SCN8A: variants seen among roughly 807,000 people sequenced by gnomAD.
SCN8A encodes sodium channel protein type 8 subunit alpha.
Under a neutral mutation model 184.1 loss-of-function variants are expected in SCN8A, and 30 were observed. The ratio of observed to expected loss-of-function variants is 0.16; its 90% confidence interval spans 0.12 to 0.22. The LOEUF (loss-of-function observed/expected upper bound fraction) is 0.22. Among genes scored for constraint, SCN8A ranks in the 10% least tolerant of loss-of-function variants. The pLI, the probability that SCN8A is intolerant of heterozygous loss-of-function variation, is 1.00. For synonymous variants in SCN8A, 852 were observed against 907.0 expected, an observed-to-expected ratio of 0.94 and a Z score of 1.09; for missense variants, 1,057 against 2,498.9, an observed-to-expected ratio of 0.42 and a Z score of 12.30.
chr12:51,679,790 A>G (rs372452789), intron 2 of SCN8A, among the ~76,000 whole-genome samples: 23 of 138,520 alleles, frequency 1.7e-4, no homozygotes, highest in Non-Finnish European at 2.9e-4. Context: ...CAGTGGTGCA[A>G]TCTTGGCTCA....
intron 12 of SCN8A, among the ~76,000 whole-genome samples, chr12:51,741,398 AT>A (rs1377881389): frequency 6.6e-6 from 1 of 151,764 alleles, no homozygotes; most frequent in Non-Finnish European, 1.5e-5. Context: ...ATTGGGTCTT[AT>A]TTTTTCATGC....
chr12:51,602,837 C>G (rs1384695243), intron 1 of SCN8A, among the ~76,000 whole-genome samples: 1 of 152,020 alleles, frequency 6.6e-6, no homozygotes, highest in Non-Finnish European at 1.5e-5. Context: ...GTATTACAGC[C>G]AAATAAACCA....
intron 2 of SCN8A, among the ~76,000 whole-genome samples, 169 bp downstream of exon 2, chr12:51,663,262 A>C (rs760656399): frequency 1.3e-5 from 2 of 152,122 alleles, no homozygotes; most frequent in African/African-American, 2.4e-5. Flanking sequence ...ACTAAGGGTC[A>C]TTTGTGGTCT....
chr12:51,645,382 G>A (rs1451907637), intron 1 of SCN8A, among the ~76,000 whole-genome samples: 2 of 151,836 alleles, frequency 1.3e-5, no homozygotes, highest in Non-Finnish European at 2.9e-5. Flanking sequence ...GAGGTGAGGG[G>A]CGCCTCTGCC....
rs1701558052 is a variant in SCN8A at position 51,712,812 on chromosome 12, A to T, written c.1635+6097A>T. ...CGTCACTTCCAAATCCATTATATCC[A>T]CCATCACCTCCTCCATAACTACCTC... On this transcript the variant is annotated intron_variant, in intron 11 of 26. Coordinates refer to ENST00000627620, the MANE Select transcript of SCN8A (RefSeq NM_001330260.2). 11 of 1,176,434 alleles carry T rather than the reference A, an allele frequency of 9.4e-6. No individual in the cohort carries two copies. The South Asian group carries it at 1.3e-4, about 14-fold the overall frequency. 72.9% of individuals were successfully genotyped at this position (1,176,434 alleles called of 1,614,324 possible). A position where few individuals can be genotyped will look rare whatever the true frequency, so the allele number is the denominator to read the frequency against.
chr12:51,684,701 C>G (rs1023094086), intron 3 of SCN8A, among the ~76,000 whole-genome samples: 1 of 152,122 alleles, frequency 6.6e-6, no homozygotes, highest in African/African-American at 2.4e-5. Flanking sequence ...CTTTAGAAAT[C>G]AGCTTTGAAT....
rs1938727868 is a variant in SCN8A at position 51,807,180 on chromosome 12, T to A, written c.5694T>A (p.Ser1898=). 1.9e-6 allele frequency: 3 copies of A among 1,612,922 alleles called. No homozygotes were observed. Among genetic ancestry groups the A allele is most frequent in the Non-Finnish European group, 2.5e-6 (3 of 1,178,930 alleles). The change falls in exon 27 of 27, where the codon TCT becomes TCA. Residue 1898 remains serine (S), a synonymous_variant. Transcript: ENST00000627620. This position sits in a 1 kb window ranked among gnomAD's most constrained non-coding sequence, Gnocchi z 4.5. ...TTLRRKQEEV[S]AVVLQRAYRG... is the part of the protein sequence containing the mutation. ...TGCGTCGCAAGCAGGAGGAGGTATC[T>A]GCAGTGGTCCTGCAGCGTGCCTACC...
intron 16 of SCN8A, 195 bp downstream of exon 16, chr12:51,766,222 A>G: frequency 1.6e-6 from 1 of 609,526 alleles, no homozygotes; most frequent in Non-Finnish European, 2.9e-6. Flanking sequence ...CTACTTAGTC[A>G]TGACCCCCAC....
intron 20 of SCN8A, chr12:51,780,232 TG>T: frequency 2.2e-6 from 1 of 456,562 alleles, no homozygotes; most frequent in Non-Finnish European, 4.4e-6. Context: ...CTTAATTTAA[TG>T]GGGACTTCTG....
At chr12:51,802,817 TA>T (rs1938592437) in intron 26 of SCN8A, among the ~76,000 whole-genome samples, 1 of 152,210 alleles carries the variant, frequency 6.6e-6, no homozygotes, top group Non-Finnish European at 1.5e-5. Flanking sequence ...CTATTTTGCA[TA>T]ACTCTCTAAA....
intron 11 of SCN8A, among the ~76,000 whole-genome samples, chr12:51,720,610 TA>T (rs1942037215): frequency 6.6e-6 from 1 of 150,544 alleles, no homozygotes; most frequent in Admixed American, 6.6e-5. Context: ...ATAATAATAA[TA>T]AAAGAAAAGG....
At chr12:51,732,647 G>C (rs990063436) in intron 12 of SCN8A, among the ~76,000 whole-genome samples, 1 of 152,018 alleles carries the variant, frequency 6.6e-6, no homozygotes, top group African/African-American at 2.4e-5. Flanking sequence ...TGAATCTGTA[G>C]CTTGCTTTGA....
intron 15 of SCN8A, among the ~76,000 whole-genome samples, chr12:51,764,531 A>G (rs900975846): frequency 6.6e-6 from 1 of 152,098 alleles, no homozygotes; most frequent in African/African-American, 2.4e-5. Context: ...GCTACCTGGG[A>G]GGCTGAGGCA....
chr12:51,807,154 C>T lies in SCN8A; in HGVS notation c.5668C>T (p.Leu1890=), dbSNP rs1307592269. 8 of 1,613,860 alleles carry T rather than the reference C, an allele frequency of 5.0e-6. No homozygotes were observed. In the East Asian group the frequency reaches 1.3e-4, roughly 27 times the overall value. Residue 1890 remains leucine (L), a synonymous_variant, in exon 27 of 27, where the codon CTG becomes TTG. Coordinates refer to ENST00000627620, the MANE Select transcript of SCN8A (RefSeq NM_001330260.2). The surrounding 1 kb of genome is among the most constrained non-coding windows in gnomAD (Gnocchi z 4.5). ...GTCTTACGAGCCAATCACAACCACA[C>T]TGCGTCGCAAGCAGGAGGAGGTATC... ...KVSYEPITTT[L]RRKQEEVSAV...
chr12:51,621,630 A>G (rs1294240220), intron 1 of SCN8A, among the ~76,000 whole-genome samples: 1 of 152,178 alleles, frequency 6.6e-6, no homozygotes, highest in Non-Finnish European at 1.5e-5. Context: ...CTGGATGTGG[A>G]GAGACTAGGG....
chr12:51,770,398 T>C (rs1479837035), intron 18 of SCN8A, 131 bp from the exon 19 acceptor site: 1 of 1,029,102 alleles, frequency 9.7e-7, no homozygotes, highest in East Asian at 2.6e-5. Flanking sequence ...GAATCAGACA[T>C]TCTGATTCAG....
At chr12:51,692,846 AT>A (rs1413810964) in intron 6 of SCN8A, among the ~76,000 whole-genome samples, 1 of 152,190 alleles carries the variant, frequency 6.6e-6, no homozygotes, top group Admixed American at 6.5e-5. Flanking sequence ...ATTTAATAGT[AT>A]AAGTACTAAT....
At chr12:51,675,009 AT>A (rs1199335076) in intron 2 of SCN8A, among the ~76,000 whole-genome samples, 1 of 152,232 alleles carries the variant, frequency 6.6e-6, no homozygotes, top group Non-Finnish European at 1.5e-5. Context: ...GTGAGAATAG[AT>A]TCTAGAATAT....
At position 51,809,248 on chromosome 12, in the gene SCN8A, A is replaced by C. The variant is rs1350812592; in HGVS notation, c.*1819A>C. The stretch of plus-strand genomic sequence containing the variant: ...TTTCAAAGCCAAGATGCTGCAGTTG[A>C]ATGTGTCAGGAAGTCTCTATACAAA... On this transcript the variant is annotated 3_prime_UTR_variant, in exon 27 of 27. Transcript: ENST00000627620. 6.6e-6 allele frequency: 1 copy of C among 152,204 alleles called. No individual in the cohort carries two copies. The highest frequency in any genetic ancestry group is 1.5e-5 in the Non-Finnish European group (1 of 68,034). The allele number at this position is 152,204 out of a possible 1,614,324, so 9.4% of individuals were successfully genotyped here.
Sources: allele counts gnomAD v4.1 joint callset (sites outside exome capture counted in the v4.1 genomes callset), GRCh38; gene constraint gnomAD v4.1.1; non-coding constraint Gnocchi (gnomAD v3.1); transcripts MANE v1.5; gene names NCBI Gene and HGNC (gene_info 2026-07-23, HGNC 2026-07-21).